LRRTM4: variants seen among roughly 807,000 people sequenced by gnomAD.
LRRTM4 encodes leucine-rich repeat transmembrane neuronal protein 4.
Under a neutral mutation model 47.6 loss-of-function variants are expected in LRRTM4, and 25 were observed. That is an observed-to-expected ratio of 0.53 (90% confidence interval 0.38 to 0.73). The LOEUF (loss-of-function observed/expected upper bound fraction) is 0.73, where lower values mean the gene tolerates loss of function less well. LRRTM4 is among the 30% of genes least tolerant of loss of function. The probability of loss-of-function intolerance (pLI) is 0.00; values close to 1 mark genes in which losing one functional copy is unlikely to be tolerated. For missense variants in LRRTM4, 638 were observed against 713.4 expected (o/e 0.89, Z 1.20); for synonymous variants, 311 against 269.5 (o/e 1.15, Z -1.51).
At position 76,866,696 on chromosome 2, in the gene LRRTM4, T is replaced by C. The variant is rs563750208; in HGVS notation, c.1552-117780A>G. Among the ~76,000 whole-genome samples, 35 of 152,264 alleles carry C rather than the reference T, an allele frequency of 2.3e-4. 1 individual carries two copies. Among genetic ancestry groups the C allele is most frequent in the Admixed American group, 5.2e-4 (8 of 15,278 alleles). ...ATAGACTGAACTGAAAAACAAGCAT[T>C]AGGTTTCCATGATGTATATGTGTCA... On this transcript the variant is annotated intron_variant, in intron 3 of 3. Coordinates refer to ENST00000409884, the MANE Select transcript of LRRTM4 (RefSeq NM_001134745.3).
chr2:77,123,938 T>A (rs1341200690), intron 3 of LRRTM4, among the ~76,000 whole-genome samples: 1 of 152,120 alleles, frequency 6.6e-6, no homozygotes, highest in East Asian at 1.9e-4. Flanking sequence ...GCAAGGATGG[T>A]TAGACAGTGG....
At chr2:76,796,570 G>A (rs573838408) in intron 3 of LRRTM4, among the ~76,000 whole-genome samples, 2 of 119,596 alleles carry the variant, frequency 1.7e-5, no homozygotes, top group African/African-American at 7.4e-5. Flanking sequence ...CACACGGCAG[G>A]GTATTCCAAC....
At chr2:77,517,218 T>A (rs1050237546) in intron 3 of LRRTM4, 2 of 984,950 alleles carry the variant, frequency 2.0e-6, no homozygotes, top group African/African-American at 3.5e-5. Context: ...CTGTAAGTGA[T>A]CTTTTAAATT....
At chr2:77,006,877 CGTT>C (rs1329290618) in intron 3 of LRRTM4, among the ~76,000 whole-genome samples, 2 of 152,018 alleles carry the variant, frequency 1.3e-5, no homozygotes, top group South Asian at 2.1e-4. Context: ...TGTGGAGACT[CGTT>C]AAGTCCAGAG....
At position 77,356,143 on chromosome 2, in the gene LRRTM4, G is replaced by GT. The variant is rs1400967332; in HGVS notation, c.1551+162174_1551+162175insA. 3.6e-3 allele frequency among the ~76,000 whole-genome samples: 542 copies of GT among 152,082 alleles called. 2 individuals are homozygous for GT. The highest frequency in any genetic ancestry group is 0.012 in the African/African-American group (511 of 41,490). On this transcript the variant is annotated intron_variant, in intron 3 of 3. Coordinates refer to ENST00000409884, the MANE Select transcript of LRRTM4 (RefSeq NM_001134745.3). ...TGGGCCTCGAATGCCAGGATAAAGT[G>GT]GTTTTTTTAAATGAGATAATAGATT...
At chr2:77,088,828 C>T (rs1444930785) in intron 3 of LRRTM4, among the ~76,000 whole-genome samples, 5 of 152,234 alleles carry the variant, frequency 3.3e-5, no homozygotes, top group African/African-American at 7.2e-5. Context: ...ATCCGGTAAG[C>T]GGCATCTTTT....
Position 77,306,897 on chromosome 2 carries a change from A to ATT in LRRTM4, c.1551+211419_1551+211420dup, listed in dbSNP as rs774697360. Among the ~76,000 whole-genome samples the ATT allele has an allele frequency of 5.2e-3, 585 of 112,410 alleles. 29 individuals are homozygous for ATT. Among genetic ancestry groups the ATT allele is most frequent in the Admixed American group, 0.029 (310 of 10,824 alleles). The allele number at this position is 112,410 out of a possible 152,430, so 73.7% of individuals were successfully genotyped here. On this transcript the variant is annotated intron_variant, in intron 3 of 3. Transcript: ENST00000409884. ...AAATAGCTATATACTGCTTTTCCATATTTTTTTTTTTTTTTTTTTTGAGAT... is the reference window on the plus strand; with the variant it reads ...AAATAGCTATATACTGCTTTTCCATATTTTTTTTTTTTTTTTTTTTTTGAGAT...
intron 3 of LRRTM4, among the ~76,000 whole-genome samples, chr2:77,480,202 G>C (rs1677617244): frequency 6.6e-6 from 1 of 151,588 alleles, no homozygotes; most frequent in East Asian, 1.9e-4. Flanking sequence ...AATCGGTGAA[G>C]TTGACATTTG....
chr2:77,486,624 T>G (rs955868381), intron 3 of LRRTM4, among the ~76,000 whole-genome samples: 6 of 152,322 alleles, frequency 3.9e-5, no homozygotes, highest in Admixed American at 2.6e-4. Flanking sequence ...CCAGTTATAT[T>G]TAGCATATAA....
At chr2:77,166,196 C>T (rs1482165446) in intron 3 of LRRTM4, among the ~76,000 whole-genome samples, 1 of 152,140 alleles carries the variant, frequency 6.6e-6, no homozygotes, top group Non-Finnish European at 1.5e-5. Flanking sequence ...CATGAGTGAA[C>T]TCCCATTCAC....
At chr2:76,873,492 G>A (rs75458925) in intron 3 of LRRTM4, among the ~76,000 whole-genome samples, 31 of 87,512 alleles carry the variant, frequency 3.5e-4, no homozygotes, top group Admixed American at 8.8e-4. Flanking sequence ...ATGTGTGTGT[G>A]TATATATATG....
Position 76,910,922 on chromosome 2 carries a change from T to A in LRRTM4, c.1552-162006A>T, listed in dbSNP as rs568720724. ...GCAGTAGAAAAGATGCTGATGTGCT[T>A]AATGGTACTGAGAAATACATTCATT... On this transcript the variant is annotated intron_variant, in intron 3 of 3. Coordinates refer to ENST00000409884, the MANE Select transcript of LRRTM4 (RefSeq NM_001134745.3). Among the ~76,000 whole-genome samples the A allele has an allele frequency of 5.3e-5, 8 of 152,310 alleles. No homozygotes were observed. The East Asian group carries it at 1.5e-3, about 29-fold the overall frequency.
intron 3 of LRRTM4, among the ~76,000 whole-genome samples, chr2:77,385,959 G>A (rs746447734): frequency 5.3e-5 from 8 of 151,310 alleles, no homozygotes; most frequent in Non-Finnish European, 1.0e-4. Context: ...GTTTCACCAT[G>A]TTTGCCAGGC....
intron 3 of LRRTM4, among the ~76,000 whole-genome samples, chr2:77,149,597 T>TA (rs1672361789): frequency 6.6e-6 from 1 of 152,214 alleles, no homozygotes; most frequent in African/African-American, 2.4e-5. Flanking sequence ...TCAAGGGGCA[T>TA]AAAAAAGCTG....
At chr2:76,769,280 C>A in intron 3 of LRRTM4, among the ~76,000 whole-genome samples, 1 of 152,134 alleles carries the variant, frequency 6.6e-6, no homozygotes, top group East Asian at 1.9e-4. Context: ...GAAAAGTGAT[C>A]TCTAATGATT....
At chr2:77,253,030 C>T (rs1675664796) in intron 3 of LRRTM4, among the ~76,000 whole-genome samples, 1 of 152,182 alleles carries the variant, frequency 6.6e-6, no homozygotes, top group Admixed American at 6.6e-5. Flanking sequence ...CCTCCCAAAT[C>T]TCATAGTTTC....
chr2:77,174,263 C>G (rs1164151303), intron 3 of LRRTM4, among the ~76,000 whole-genome samples: 1 of 152,148 alleles, frequency 6.6e-6, no homozygotes, highest in East Asian at 1.9e-4. Flanking sequence ...CTGGTAGCCC[C>G]CAAATAGACA....
intron 3 of LRRTM4, among the ~76,000 whole-genome samples, chr2:77,272,550 T>G (rs905529512): frequency 6.6e-5 from 10 of 152,164 alleles, no homozygotes; most frequent in African/African-American, 2.2e-4. Flanking sequence ...TTTTAAATAT[T>G]AAGTTTTATT....
intron 3 of LRRTM4, among the ~76,000 whole-genome samples, chr2:77,508,559 T>C (rs1014388530): frequency 1.1e-4 from 16 of 151,928 alleles, no homozygotes; most frequent in African/African-American, 3.9e-4. Context: ...TATTTTGTCT[T>C]TTTTGTCTTT....
Sources: allele counts gnomAD v4.1 joint callset (sites outside exome capture counted in the v4.1 genomes callset), GRCh38; gene constraint gnomAD v4.1.1; transcripts MANE v1.5; gene names NCBI Gene and HGNC (gene_info 2026-07-23, HGNC 2026-07-21).